Variants in RASL12 observed in about 807,000 individuals in gnomAD.
RASL12 encodes the protein ras-like protein family member 12.
In RASL12, 16 loss-of-function variants were observed where a neutral mutation model predicts 22.9. The observed-to-expected ratio is 0.70, with a 90% CI of 0.47 to 1.06. The LOEUF (loss-of-function observed/expected upper bound fraction) is 1.06, where lower values mean the gene tolerates loss of function less well. Among genes scored for constraint, RASL12 ranks in the 50% least tolerant of loss-of-function variants. The probability of loss-of-function intolerance (pLI) is 0.00; values close to 1 mark genes in which losing one functional copy is unlikely to be tolerated. For missense variants in RASL12, 306 were observed against 353.1 expected, an observed-to-expected ratio of 0.87 and a Z score of 1.07; for synonymous variants, 159 against 152.2, an observed-to-expected ratio of 1.04 and a Z score of -0.33.
At chr15:65,062,418 A>G (rs926735710) in intron 2 of RASL12, among the ~76,000 whole-genome samples, 3 of 152,182 alleles carry the variant, frequency 2.0e-5, no homozygotes, top group African/African-American at 7.2e-5. Context: ...CAGGCCCTCT[A>G]TGACATGAGG....
At position 65,057,007 on chromosome 15, in the gene RASL12, G is replaced by A. The variant is rs567666296; in HGVS notation, c.425+1420C>T. Among the ~76,000 whole-genome samples the A allele has an allele frequency of 7.2e-5, 11 of 152,232 alleles. No homozygotes were observed. In the South Asian group the frequency reaches 2.3e-3, roughly 32 times the overall value. ...TGGCCTACTCACAATCCAGTCTTCT[G>A]ACCCCTAAGAGGGTCTGCAATTCCT... On this transcript the variant is annotated intron_variant, in intron 4 of 4. Coordinates refer to ENST00000220062, the MANE Select transcript of RASL12 (RefSeq NM_016563.4).
At chr15:65,076,520 A>AAC in intron 1 of RASL12, 1 of 698,226 alleles carries the variant, frequency 1.4e-6, no homozygotes, top group South Asian at 1.5e-5. Context: ...TAAGAGCTGT[A>AAC]ACACTCACCT....
chr15:65,048,015 C>T, the RASL12 span, among the ~76,000 whole-genome samples: 1 of 151,974 alleles, frequency 6.6e-6, no homozygotes, highest in African/African-American at 2.4e-5. Flanking sequence ...CCCATCATTA[C>T]TAAAAATACA....
intron 2 of RASL12, among the ~76,000 whole-genome samples, chr15:65,063,514 G>C (rs767675925): frequency 6.6e-6 from 1 of 152,160 alleles, no homozygotes; most frequent in African/African-American, 2.4e-5. Flanking sequence ...GGGTGACCTT[G>C]GCCCAGAGTC....
At chr15:65,075,104 G>GC (rs998808614) in intron 1 of RASL12, among the ~76,000 whole-genome samples, 7 of 152,232 alleles carry the variant, frequency 4.6e-5, no homozygotes, top group African/African-American at 1.7e-4. Context: ...GGCTTGGCGG[G>GC]CCCCGCACTC....
downstream of RASL12, among the ~76,000 whole-genome samples, chr15:65,052,020 C>T (rs1476185032): frequency 6.6e-6 from 1 of 152,184 alleles, no homozygotes; most frequent in Admixed American, 6.5e-5. Flanking sequence ...CGCTGGGTCC[C>T]TCCACTATGG....
chr15:65,063,091 C>T (rs940881856), intron 2 of RASL12, among the ~76,000 whole-genome samples: 1 of 152,112 alleles, frequency 6.6e-6, no homozygotes, highest in South Asian at 2.1e-4. Context: ...CAAACCACCA[C>T]CCTAATAGGC....
intron 4 of RASL12, 64 bp downstream of exon 4, chr15:65,058,363 C>T: frequency 7.5e-7 from 1 of 1,341,930 alleles, no homozygotes; most frequent in Non-Finnish European, 9.8e-7. Context: ...CCTCAAGATG[C>T]CACCTGACCT....
downstream of RASL12, chr15:65,053,047 C>T: frequency 6.2e-7 from 1 of 1,614,070 alleles, no homozygotes; most frequent in Non-Finnish European, 8.5e-7. Context: ...ACAGCCTAAA[C>T]AACCTAAGAG....
At position 65,063,544 on chromosome 15, in the gene RASL12, T is replaced by G. The variant is rs932873811; in HGVS notation, c.160+1673A>C. Among the ~76,000 whole-genome samples the G allele has an allele frequency of 2.6e-5, 4 of 152,308 alleles. No homozygotes were observed. The South Asian group carries it at 6.2e-4, about 24-fold the overall frequency. ...AGAGTCTTCAGCTCCTTGGGCCTGT[T>G]TCCTCCACTGTAGCACTGAAGGGCT... is the stretch of plus-strand genomic sequence containing the variant. On this transcript the variant is annotated intron_variant, in intron 2 of 4. Coordinates refer to ENST00000220062, the MANE Select transcript of RASL12 (RefSeq NM_016563.4).
downstream of RASL12, chr15:65,050,070 A>AGAGATG (rs1181222150): frequency 1.3e-6 from 2 of 1,551,610 alleles, no homozygotes; most frequent in Non-Finnish European, 1.7e-6. Flanking sequence ...AGCTGCTGGA[A>AGAGATG]GAGATGCTTT....
chr15:65,052,905 C>A (rs552003582), downstream of RASL12: 1 of 1,530,480 alleles, frequency 6.5e-7, no homozygotes, highest in Non-Finnish European at 8.9e-7. Flanking sequence ...GCCATTTGGG[C>A]GACCCAGTCC....
the RASL12 span, among the ~76,000 whole-genome samples, chr15:65,045,968 C>A: frequency 6.6e-6 from 1 of 152,148 alleles, no homozygotes; most frequent in Admixed American, 6.5e-5. Flanking sequence ...GAGTTCGAGA[C>A]CACCCCGGCT....
intron 1 of RASL12, among the ~76,000 whole-genome samples, 186 bp downstream of exon 1, chr15:65,067,545 CGA>C (rs2086892795): frequency 6.6e-6 from 1 of 152,062 alleles, no homozygotes. Context: ...AGCACAAAGC[CGA>C]GAGAAGAGAA....
intron 1 of RASL12, among the ~76,000 whole-genome samples, chr15:65,066,893 T>G (rs867851803): frequency 6.6e-6 from 1 of 152,140 alleles, no homozygotes; most frequent in Non-Finnish European, 1.5e-5. Flanking sequence ...AAACAGCCAG[T>G]GGAGGACCCC....
chr15:65,052,957 TC>T, downstream of RASL12: 3 of 1,399,912 alleles, frequency 2.1e-6, no homozygotes, highest in Non-Finnish European at 2.9e-6. Context: ...CTGTTCCCTG[TC>T]CCCCCAGAAA....
chr15:65,055,103 G>A lies in RASL12; in HGVS notation c.597C>T (p.Ser199=), dbSNP rs758470678. The A allele has an allele frequency of 1.9e-5, 31 of 1,611,110 alleles. No individual in the cohort carries two copies. The Middle Eastern group carries it at 4.9e-4, about 26-fold the overall frequency. Residue 199 remains serine (S), a synonymous_variant, in exon 5 of 5, where the codon TCC becomes TCT. Transcript: ENST00000220062. The part of the protein sequence containing the change: ...KSPLTRPLFI[S]EERALPHQAP... ...CCTGGTGGGGCAGGGCCCTCTCCTC[G>A]GAGATGAAGAGGGGCCGGGTCAGGG... is the stretch of plus-strand genomic sequence containing the variant.
chr15:65,052,959 C>A (rs1263328322), downstream of RASL12: 3 of 1,513,056 alleles, frequency 2.0e-6, no homozygotes, highest in South Asian at 3.3e-5. Flanking sequence ...GTTCCCTGTC[C>A]CCCCAGAAAA....
At chr15:65,051,548 C>T (rs866314542), downstream of RASL12, 5 of 1,613,656 alleles carry the variant, frequency 3.1e-6, no homozygotes, top group African/African-American at 4.0e-5. Flanking sequence ...CTTGCCCTGG[C>T]AGCTGTGGTG....
Sources: allele counts gnomAD v4.1 joint callset (sites outside exome capture counted in the v4.1 genomes callset), GRCh38; gene constraint gnomAD v4.1.1; transcripts MANE v1.5; gene names NCBI Gene and HGNC (gene_info 2026-07-23, HGNC 2026-07-21).